Variants in HIKESHI observed in about 807,000 individuals in gnomAD.
HIKESHI encodes the protein heat shock protein nuclear import factor hikeshi.
A neutral mutation model predicts 25.7 loss-of-function variants in HIKESHI; 13 were observed. The observed-to-expected ratio is 0.51, with a 90% CI of 0.33 to 0.80. HIKESHI has a LOEUF of 0.80. Among genes scored for constraint, HIKESHI ranks in the 30% least tolerant of loss-of-function variants. The pLI is 0.02. For missense variants in HIKESHI, 174 were observed against 229.5 expected, an observed-to-expected ratio of 0.76 and a Z score of 1.56; for synonymous variants, 76 against 78.7, an observed-to-expected ratio of 0.97 and a Z score of 0.18.
chr11:86,342,832 T>C (rs1947770898), intron 3 of HIKESHI, among the ~76,000 whole-genome samples: 1 of 152,106 alleles, frequency 6.6e-6, no homozygotes, highest in African/African-American at 2.4e-5. Context: ...TCTTTGCCAG[T>C]GGGGCAAGTT....
At chr11:86,330,967 C>T (rs1267843201) in intron 2 of HIKESHI, among the ~76,000 whole-genome samples, 1 of 152,050 alleles carries the variant, frequency 6.6e-6, no homozygotes, top group African/African-American at 2.4e-5. Flanking sequence ...TTATGGATCT[C>T]AGTGATACTC....
intron 2 of HIKESHI, among the ~76,000 whole-genome samples, chr11:86,308,107 CTATA>C (rs1247207831): frequency 3.6e-5 from 4 of 112,506 alleles, no homozygotes; most frequent in African/African-American, 7.2e-5. Flanking sequence ...ATACTATATA[CTATA>C]TATACAGTAT....
rs143330168 is a variant in HIKESHI at position 86,337,759 on chromosome 11, G to A, written c.420+229G>A. Among the ~76,000 whole-genome samples, 1,311 of 152,298 alleles carry A rather than the reference G, an allele frequency of 8.6e-3. 26 individuals carry two copies. Among genetic ancestry groups the A allele is most frequent in the African/African-American group, 0.03 (1,255 of 41,560 alleles). ...TGCAATTTCCGCCTCCCGGGTTCAA[G>A]CGATTCTCCTGCCTCAGTCTCCTGA... On this transcript the variant is annotated intron_variant, in intron 3 of 4. Transcript: ENST00000278483.
chr11:86,330,718 T>A (rs74659203), intron 2 of HIKESHI, among the ~76,000 whole-genome samples: 13,382 of 152,242 alleles, frequency 0.088, 887 homozygotes, highest in African/African-American at 0.18. Context: ...GTACCTAAAG[T>A]ATTTTCTTCT....
chr11:86,308,447 A>G (rs1946740803), intron 2 of HIKESHI, among the ~76,000 whole-genome samples: 2 of 147,178 alleles, frequency 1.4e-5, no homozygotes, highest in Non-Finnish European at 3.0e-5. Context: ...ACTTGTATAA[A>G]GCAAATAGAA....
intron 2 of HIKESHI, among the ~76,000 whole-genome samples, chr11:86,322,101 C>T (rs547991707): frequency 1.3e-5 from 2 of 152,102 alleles, no homozygotes; most frequent in African/African-American, 4.8e-5. Context: ...ATTCTCCTGC[C>T]TTAGCCTCCT....
intron 2 of HIKESHI, among the ~76,000 whole-genome samples, chr11:86,308,338 T>C (rs1412093225): frequency 3.1e-5 from 2 of 64,662 alleles, no homozygotes; most frequent in African/African-American, 1.4e-4. Context: ...ATATAAAATA[T>C]ATATTATATA....
At chr11:86,326,373 G>C in intron 2 of HIKESHI, 1 of 390,226 alleles carries the variant, frequency 2.6e-6, no homozygotes. Flanking sequence ...GTGGCTATAA[G>C]GTCTTTTGTT....
At chr11:86,322,021 T>C (rs1565731136) in intron 2 of HIKESHI, among the ~76,000 whole-genome samples, 1 of 152,108 alleles carries the variant, frequency 6.6e-6, no homozygotes, top group Non-Finnish European at 1.5e-5. Context: ...CAAGTCTCAC[T>C]CTGTCACCCA....
At chr11:86,342,802 A>G (rs1180560625) in intron 3 of HIKESHI, among the ~76,000 whole-genome samples, 3 of 151,372 alleles carry the variant, frequency 2.0e-5, no homozygotes, top group African/African-American at 7.3e-5. Flanking sequence ...CTTTTATTCC[A>G]ATTAGTTTAT....
chr11:86,316,771 CTTTTTTTTTTTTTTTTTTTTTTTTTT>C (rs71040229), intron 2 of HIKESHI, among the ~76,000 whole-genome samples: 3 of 68,776 alleles, frequency 4.4e-5, no homozygotes, highest in African/African-American at 6.3e-5. Flanking sequence ...CTGAAACATT[CTTTTTTTTTTTTTTTTTTTTTTTTTT>C]TTTTTTTTTT....
intron 2 of HIKESHI, among the ~76,000 whole-genome samples, chr11:86,307,031 A>C (rs1428210105): frequency 1.4e-5 from 2 of 144,784 alleles, no homozygotes; most frequent in African/African-American, 5.0e-5. Context: ...ATATATATAA[A>C]TATATATATT....
At chr11:86,332,497 T>C (rs1044863849) in intron 2 of HIKESHI, among the ~76,000 whole-genome samples, 3 of 152,240 alleles carry the variant, frequency 2.0e-5, no homozygotes, top group Admixed American at 2.0e-4. Context: ...AAACTCATTT[T>C]ATCTTGCAAT....
intron 2 of HIKESHI, among the ~76,000 whole-genome samples, chr11:86,322,044 G>A (rs1376400371): frequency 6.6e-6 from 1 of 152,134 alleles, no homozygotes; most frequent in East Asian, 1.9e-4. Context: ...CTGGAGTGCA[G>A]TGGTGCCATC....
Position 86,325,839 on chromosome 11 carries a change from T to A in HIKESHI, c.269-11540T>A, listed in dbSNP as rs2444025. Among the ~76,000 whole-genome samples the A allele has an allele frequency of 2.6e-5, 4 of 151,102 alleles. No individual in the cohort carries two copies. In the South Asian group the frequency reaches 6.3e-4, roughly 24 times the overall value. ...GTGAACCGAGATGGCACCACTGCAC[T>A]CCAGCCTGGGCAACAGACCGAGACT... On this transcript the variant is annotated intron_variant, in intron 2 of 4. Coordinates refer to ENST00000278483, the MANE Select transcript of HIKESHI (RefSeq NM_016401.4).
intron 1 of HIKESHI, 98 bp downstream of exon 1, chr11:86,302,576 C>G (rs1946525014): frequency 7.1e-7 from 1 of 1,398,730 alleles, no homozygotes; most frequent in Admixed American, 2.2e-5. Flanking sequence ...TGCGGGGAAG[C>G]CCACTTATTA....
At chr11:86,342,882 T>A (rs182674061) in intron 3 of HIKESHI, among the ~76,000 whole-genome samples, 236 of 152,364 alleles carry the variant, frequency 1.5e-3, no homozygotes, top group African/African-American at 5.4e-3. Flanking sequence ...GTATTCTTCA[T>A]AATAATTGTG....
intron 2 of HIKESHI, among the ~76,000 whole-genome samples, chr11:86,330,129 A>T (rs1159467201): frequency 6.6e-6 from 1 of 151,938 alleles, no homozygotes; most frequent in Non-Finnish European, 1.5e-5. Flanking sequence ...CCTTTGCATT[A>T]GTTTTTTAGT....
At chr11:86,339,273 CT>C (rs1442496653) in intron 3 of HIKESHI, among the ~76,000 whole-genome samples, 1 of 152,186 alleles carries the variant, frequency 6.6e-6, no homozygotes, top group Admixed American at 6.5e-5. Context: ...TGGTCTCGAT[CT>C]CCTGACCTCG....
Sources: gnomAD v4.1 joint callset for allele counts (sites outside exome capture counted in the v4.1 genomes callset) on GRCh38, gnomAD v4.1.1 for gene constraint, MANE v1.5 for transcripts, NCBI Gene and HGNC (gene_info 2026-07-23, HGNC 2026-07-21) for gene names.